ZNF559: variants seen among roughly 807,000 people sequenced by gnomAD.
The protein encoded by ZNF559 is putative protein product of Nbla00121.
A neutral mutation model predicts 14.2 loss-of-function variants in ZNF559; 17 were observed. That is an observed-to-expected ratio of 1.20 (90% CI 0.82 to 1.80). ZNF559 has a LOEUF of 1.80. Among genes scored for constraint, ZNF559 ranks in the 40% most tolerant of loss-of-function variants. The pLI is 0.00. For synonymous variants in ZNF559, 244 were observed against 212.4 expected (o/e 1.15, Z -1.29); for missense variants, 740 against 629.7 (o/e 1.18, Z -1.88).
At chr19:9,340,249 T>C (rs1362083645) in intron 5 of ZNF559, among the ~76,000 whole-genome samples, 1 of 152,122 alleles carries the variant, frequency 6.6e-6, no homozygotes, top group Non-Finnish European at 1.5e-5. Flanking sequence ...GAAACAGCCC[T>C]GATCTATGAG....
chr19:9,341,914 G>A lies in ZNF559; in HGVS notation c.463G>A (p.Ala155Thr). ...TCCTAACTGTAATCAATGTGAAACA[G>A]CCTTCAGCCAACATCTACATCTTGT... The part of the protein sequence containing the change: ...ELPNCNQCET[A>T]FSQHLHLVCK... The change falls in exon 7 of 7, where the codon GCC (alanine) becomes ACC (threonine). Residue 155 changes from alanine to threonine, a missense_variant. Transcript: ENST00000603380. 6.2e-7 allele frequency: 1 copy of A among 1,612,972 alleles called. No homozygotes were observed.
Position 9,341,778 on chromosome 19 carries a change from CAGG to C in ZNF559, c.330_332del (p.Arg111del). ...GTGAACACTCATGCCTTAAGACTCA[CAGG>C]AGAACTTACTTTAGAAAGAAAACCT... On this transcript the variant is annotated inframe_deletion, in exon 7 of 7. Transcript: ENST00000603380. 1 of 1,607,098 alleles carries C rather than the reference CAGG, an allele frequency of 6.2e-7. No individual in the cohort carries two copies. The highest frequency in any genetic ancestry group is 8.5e-7 in the Non-Finnish European group (1 of 1,178,182).
At chr19:9,327,511 A>G (rs1485015646) in intron 2 of ZNF559, among the ~76,000 whole-genome samples, 1 of 152,138 alleles carries the variant, frequency 6.6e-6, no homozygotes, top group African/African-American at 2.4e-5. Flanking sequence ...GGCCTCCCAA[A>G]GTGCTGGAAT....
intron 2 of ZNF559, 65 bp downstream of exon 2, chr19:9,324,845 G>A (rs953439723): frequency 2.8e-6 from 4 of 1,403,616 alleles, no homozygotes; most frequent in Middle Eastern, 1.8e-4. Context: ...TTGTGTCGAG[G>A]TGGAAAGAAA....
chr19:9,325,786 CAAA>C (rs35775585), intron 2 of ZNF559, among the ~76,000 whole-genome samples: 146 of 139,118 alleles, frequency 1.0e-3, no homozygotes, highest in Non-Finnish European at 1.0e-3. Flanking sequence ...ACTCCGTCTC[CAAA>C]AAAAAAAAAA....
At position 9,342,489 on chromosome 19, in the gene ZNF559, TCACA is replaced by T; in HGVS notation, c.1040_1043del (p.His347LeufsTer25). The T allele has an allele frequency of 6.2e-7, 1 of 1,614,134 alleles. No homozygotes were observed. Among genetic ancestry groups the T allele is most frequent in the Non-Finnish European group, 8.5e-7 (1 of 1,180,022 alleles). ...CAGGTCTTATAAAACACAGGCGAAC[TCACA>T]CTGGAGAAAAGCCTTATGAATGTAA... On this transcript the variant is annotated frameshift_variant, in exon 7 of 7. Coordinates refer to ENST00000603380, the MANE Select transcript of ZNF559 (RefSeq NM_032497.3). LOFTEE classifies it low-confidence loss of function (END_TRUNC).
At chr19:9,328,708 A>G (rs1182934075) in intron 2 of ZNF559, among the ~76,000 whole-genome samples, 1 of 152,154 alleles carries the variant, frequency 6.6e-6, no homozygotes, top group East Asian at 1.9e-4. Flanking sequence ...TCTCAGCGCA[A>G]AGTAGGGCTG....
At chr19:9,339,835 C>T (rs1047195784) in intron 5 of ZNF559, among the ~76,000 whole-genome samples, 35 of 145,660 alleles carry the variant, frequency 2.4e-4, no homozygotes, top group African/African-American at 8.1e-4. Context: ...GTGGCGTGAT[C>T]TTGGCTCACT....
chr19:9,324,618 ACC>A (rs35401044), intron 1 of ZNF559, 75 bp from the exon 2 acceptor site: 43,339 of 691,308 alleles, frequency 0.063, 26 homozygotes, highest in East Asian at 0.12. Context: ...ACATAGGGAG[ACC>A]CCCCCCCCCA....
intron 1 of ZNF559, 46 bp from the exon 2 acceptor site, chr19:9,324,649 A>G (rs1296181725): frequency 1.4e-6 from 2 of 1,401,718 alleles, no homozygotes; most frequent in Non-Finnish European, 1.9e-6. Flanking sequence ...TAATGGAAAA[A>G]AAAAAAAAAG....
Position 9,343,061 on chromosome 19 carries a change from G to A in ZNF559, c.1610G>A (p.Cys537Tyr), listed in dbSNP as rs760427628. The change falls in exon 7 of 7, where the codon TGT (cysteine) becomes TAT (tyrosine). Residue 537 changes from cysteine to tyrosine, a missense_variant. Transcript: ENST00000603380. ...AGTAATTCCTCATGCCTTACTGAAT[G>A]TGTGTGAATTGGGGCTGATACTTGG... is the stretch of plus-strand genomic sequence containing the variant. ...TFSNSSCLTECV is the reference protein window; with the variant it reads ...TFSNSSCLTEYV 86 of 1,608,700 alleles carry A rather than the reference G, an allele frequency of 5.3e-5. 1 individual carries two copies. Among genetic ancestry groups the A allele is most frequent in the Non-Finnish European group, 7.0e-5 (83 of 1,177,556 alleles).
chr19:9,341,366 A>G (rs1190822378), intron 6 of ZNF559, 182 bp downstream of exon 6: 1 of 759,724 alleles, frequency 1.3e-6, no homozygotes, highest in Admixed American at 2.0e-5. Flanking sequence ...AACATCCCTC[A>G]GAATATATTT....
At chr19:9,340,207 A>T (rs928717214) in intron 5 of ZNF559, among the ~76,000 whole-genome samples, 4 of 152,068 alleles carry the variant, frequency 2.6e-5, no homozygotes, top group Non-Finnish European at 5.9e-5. Context: ...ATTCTCCAAG[A>T]TGAGAGAAAA....
chr19:9,341,886 A>G lies in ZNF559; in HGVS notation c.435A>G (p.Glu145=), dbSNP rs749304190. The G allele has an allele frequency of 4.3e-6, 7 of 1,609,944 alleles. No homozygotes were observed. In the South Asian group the frequency reaches 5.6e-5, roughly 13 times the overall value. The change falls in exon 7 of 7, where the codon GAA becomes GAG. Residue 145 remains glutamate (E), a synonymous_variant. Transcript: ENST00000603380. The part of the protein sequence containing the change: ...TLHKKTDIGE[E]LPNCNQCETA... Reference sequence around the variant, plus strand: ...ACAAGAAAACTGATATCGGAGAGGAACTTCCTAACTGTAATCAATGTGAAA... The same window carrying G: ...ACAAGAAAACTGATATCGGAGAGGAGCTTCCTAACTGTAATCAATGTGAAA...
At position 9,343,041 on chromosome 19, in the gene ZNF559, T is replaced by C; in HGVS notation, c.1590T>C (p.Asn530=). The change falls in exon 7 of 7, where the codon AAT becomes AAC. Residue 530 remains asparagine, a synonymous_variant. Transcript: ENST00000603380. Reference sequence around the variant, plus strand: ...AGGAATGTGGGCAAACCTTTAGTAATTCCTCATGCCTTACTGAATGTGTGT... The same window carrying C: ...AGGAATGTGGGCAAACCTTTAGTAACTCCTCATGCCTTACTGAATGTGTGT... ...PYKECGQTFS[N]SSCLTECV The C allele has an allele frequency of 6.2e-7, 1 of 1,613,154 alleles. No individual in the cohort carries two copies. Among genetic ancestry groups the C allele is most frequent in the South Asian group, 1.1e-5 (1 of 91,012 alleles).
rs1162908285 is a variant in ZNF559 at position 9,344,532 on chromosome 19, T to C, written c.*1464T>C. 1.3e-5 allele frequency: 2 copies of C among 152,070 alleles called. No individual in the cohort carries two copies. Among genetic ancestry groups the C allele is most frequent in the Non-Finnish European group, 2.9e-5 (2 of 68,078 alleles). The allele number at this position is 152,070 out of a possible 1,614,324, so 9.4% of individuals were successfully genotyped here. A position where few individuals can be genotyped will look rare whatever the true frequency, so the allele number is the denominator to read the frequency against. On this transcript the variant is annotated 3_prime_UTR_variant, in exon 7 of 7. Coordinates refer to ENST00000603380, the MANE Select transcript of ZNF559 (RefSeq NM_032497.3). ...ACTGGTTTGTGCCTATAGTCCCAGCTATTTAGGAGGCTGGGGCAAGAGGAT... is the reference window on the plus strand; with the variant it reads ...ACTGGTTTGTGCCTATAGTCCCAGCCATTTAGGAGGCTGGGGCAAGAGGAT...
In ZNF559 at chr19:9,324,197, A is replaced by G; in HGVS notation, c.-237A>G. ...TGGGCGCATGCGCATAACGGCCGCCATCTTAACAGCGCGTTCCCGTTGGCG... is the reference window on the plus strand; with the variant it reads ...TGGGCGCATGCGCATAACGGCCGCCGTCTTAACAGCGCGTTCCCGTTGGCG... On this transcript the variant is annotated 5_prime_UTR_variant, in exon 1 of 7. Coordinates refer to ENST00000603380, the MANE Select transcript of ZNF559 (RefSeq NM_032497.3). 2 of 1,536,040 alleles carry G rather than the reference A, an allele frequency of 1.3e-6. No individual in the cohort carries two copies. Among genetic ancestry groups the G allele is most frequent in the South Asian group, 1.2e-5 (1 of 84,068 alleles).
In ZNF559 at chr19:9,342,872, T is replaced by C. The variant is rs370787947; in HGVS notation, c.1421T>C (p.Phe474Ser). 21 of 1,613,944 alleles carry C rather than the reference T, an allele frequency of 1.3e-5. No individual in the cohort carries two copies. The highest frequency in any genetic ancestry group is 1.8e-5 in the Non-Finnish European group (21 of 1,180,022). Residue 474 changes from phenylalanine (F) to serine (S), a missense_variant, in exon 7 of 7, where the codon TTC becomes TCC. By Grantham distance (155) the Phe-to-Ser change is radical (BLOSUM62 -2). Coordinates refer to ENST00000603380, the MANE Select transcript of ZNF559 (RefSeq NM_032497.3). ...PYKCQKCGQAFSISSGLTVHM... is the reference protein window; with the variant it reads ...PYKCQKCGQASSISSGLTVHM... ...AAATGTCAAAAGTGTGGGCAAGCCT[T>C]CAGTATCTCATCAGGCCTTACAGTA...
At chr19:9,326,788 A>G (rs1199141144) in intron 2 of ZNF559, among the ~76,000 whole-genome samples, 2 of 152,184 alleles carry the variant, frequency 1.3e-5, no homozygotes, top group East Asian at 3.8e-4. Context: ...CGTATTTTAC[A>G]CTTACAGCTA....
Sources: gnomAD v4.1 joint callset for allele counts (sites outside exome capture counted in the v4.1 genomes callset) on GRCh38, gnomAD v4.1.1 for gene constraint, MANE v1.5 for transcripts, NCBI Gene and HGNC (gene_info 2026-07-23, HGNC 2026-07-21) for gene names.